Variants in RASAL2 observed in about 807,000 individuals in gnomAD.
RASAL2 encodes the protein ras GTPase-activating protein nGAP.
RASAL2 carries 58 observed loss-of-function variants against 128.9 expected under a neutral mutation model. That is an observed-to-expected ratio of 0.45 (90% CI 0.36 to 0.56). The LOEUF is 0.56. RASAL2 is among the 20% of genes least tolerant of loss of function. The probability of loss-of-function intolerance (pLI) is 0.00; values close to 1 mark genes in which losing one functional copy is unlikely to be tolerated. For synonymous variants in RASAL2, 561 were observed against 580.8 expected (o/e 0.97, Z 0.49); for missense variants, 1,360 against 1,601.6 (o/e 0.85, Z 2.57).
At chr1:178,156,598 G>C (rs942767141) in intron 1 of RASAL2, among the ~76,000 whole-genome samples, 2 of 152,072 alleles carry the variant, frequency 1.3e-5, no homozygotes, top group Non-Finnish European at 2.9e-5. Context: ...GTATATATGA[G>C]TCACAAACTT....
intron 1 of RASAL2, among the ~76,000 whole-genome samples, chr1:178,148,951 C>A (rs776408349): frequency 6.6e-6 from 1 of 152,146 alleles, no homozygotes; most frequent in Non-Finnish European, 1.5e-5. Flanking sequence ...GGAAAACAAA[C>A]GACTATGACA....
At chr1:178,458,577 A>G (rs1332625840) in intron 14 of RASAL2, 33 bp downstream of exon 14, 2 of 1,548,784 alleles carry the variant, frequency 1.3e-6, no homozygotes, top group African/African-American at 1.4e-5. Context: ...CCTGGCTTCT[A>G]CTTGGTCCAT....
At chr1:178,451,224 A>G (rs1010624795) in intron 9 of RASAL2, among the ~76,000 whole-genome samples, 3 of 152,198 alleles carry the variant, frequency 2.0e-5, no homozygotes, top group African/African-American at 7.2e-5. Context: ...TAGTCACCTA[A>G]GTAGAGCGAG....
chr1:178,145,412 AT>A (rs1164300819), intron 1 of RASAL2, among the ~76,000 whole-genome samples: 1 of 152,034 alleles, frequency 6.6e-6, no homozygotes, highest in Non-Finnish European at 1.5e-5. Flanking sequence ...CTTAAAGTTA[AT>A]TTTGATAGAT....
At chr1:178,404,056 C>A (rs1673821565) in intron 4 of RASAL2, among the ~76,000 whole-genome samples, 1 of 151,872 alleles carries the variant, frequency 6.6e-6, no homozygotes. Flanking sequence ...GAAACCCCAT[C>A]TCTACTAAAA....
intron 3 of RASAL2, among the ~76,000 whole-genome samples, chr1:178,343,148 C>T (rs534899810): frequency 7.9e-5 from 12 of 152,276 alleles, no homozygotes; most frequent in African/African-American, 2.4e-4. Flanking sequence ...GGATGTTGTC[C>T]TTTTGTATTA....
chr1:178,306,515 T>C lies in RASAL2; in HGVS notation c.457+6397T>C, dbSNP rs995052863. On this transcript the variant is annotated intron_variant, in intron 3 of 17. Coordinates refer to ENST00000367649, the MANE Select transcript of RASAL2 (RefSeq NM_170692.4). ...TTGAACTAGTTTACAGTCCCACCAA[T>C]AGTGTAAAAGTGTTCCTATTTCTCC... 5.9e-5 allele frequency among the ~76,000 whole-genome samples: 9 copies of C among 152,182 alleles called. No individual in the cohort carries two copies. In the South Asian group the frequency reaches 6.2e-4, roughly 11 times the overall value.
At chr1:178,276,486 T>C (rs1013520236) in intron 1 of RASAL2, among the ~76,000 whole-genome samples, 4 of 151,980 alleles carry the variant, frequency 2.6e-5, no homozygotes, top group Non-Finnish European at 5.9e-5. Flanking sequence ...CAGTATATTG[T>C]GGACTACTCC....
intron 3 of RASAL2, among the ~76,000 whole-genome samples, chr1:178,337,258 A>T (rs1669632640): frequency 1.3e-5 from 2 of 152,204 alleles, no homozygotes; most frequent in African/African-American, 4.8e-5. Flanking sequence ...AAGTCTTCTG[A>T]TCTTCATAAT....
intron 3 of RASAL2, among the ~76,000 whole-genome samples, chr1:178,366,158 G>A (rs543049526): frequency 6.6e-6 from 1 of 152,190 alleles, no homozygotes; most frequent in African/African-American, 2.4e-5. Context: ...ACAGTTGCTG[G>A]TAAAGGGCAT....
rs1658594238 is a variant in RASAL2, at chr1:178,094,486, G to A, written c.-7G>A. ...GCCGCCTCGTCCCCCTCCCGCCTCG[G>A]GGCACCATGGAGCTCTCTCCGTCGT... is the stretch of plus-strand genomic sequence containing the variant. On this transcript the variant is annotated 5_prime_UTR_variant, in exon 1 of 18. Coordinates refer to ENST00000367649, the MANE Select transcript of RASAL2 (RefSeq NM_170692.4). The A allele has an allele frequency of 6.5e-7, 1 of 1,546,152 alleles. No homozygotes were observed. The highest frequency in any genetic ancestry group is 8.7e-7 in the Non-Finnish European group (1 of 1,146,450).
chr1:178,343,970 A>T (rs528063656), intron 3 of RASAL2, among the ~76,000 whole-genome samples: 15 of 152,296 alleles, frequency 9.8e-5, no homozygotes, highest in Admixed American at 3.3e-4. Flanking sequence ...CCATCACCTG[A>T]AAAGGAGACA....
rs58042688 is a variant in RASAL2 at position 178,276,923 on chromosome 1, C to T, written c.203-6641C>T. ...CAGCACTTTGGGAGGCCGAGGCTGG[C>T]GGATCACAAGGTCAGGAGATTTAGA... On this transcript the variant is annotated intron_variant, in intron 1 of 17. Transcript: ENST00000367649. Among the ~76,000 whole-genome samples the T allele has an allele frequency of 5.9e-5, 9 of 151,570 alleles. No homozygotes were observed. In the South Asian group the frequency reaches 6.2e-4, roughly 11 times the overall value.
At chr1:178,347,511 C>T (rs1670212328) in intron 3 of RASAL2, among the ~76,000 whole-genome samples, 1 of 152,110 alleles carries the variant, frequency 6.6e-6, no homozygotes, top group Non-Finnish European at 1.5e-5. Context: ...GACTGGAATG[C>T]TCATTTTACA....
chr1:178,183,401 G>T (rs966511793), intron 1 of RASAL2, among the ~76,000 whole-genome samples: 1 of 152,116 alleles, frequency 6.6e-6, no homozygotes, highest in African/African-American at 2.4e-5. Context: ...CAAATATATA[G>T]TGTCATATAT....
chr1:178,296,742 G>A (rs189753992), intron 2 of RASAL2, among the ~76,000 whole-genome samples: 247 of 145,108 alleles, frequency 1.7e-3, no homozygotes, highest in African/African-American at 6.1e-3. Context: ...GCACAGTCTC[G>A]GCTCACTGCA....
chr1:178,150,948 G>A (rs1377351175), intron 1 of RASAL2, among the ~76,000 whole-genome samples: 1 of 151,950 alleles, frequency 6.6e-6, no homozygotes, highest in Non-Finnish European at 1.5e-5. Context: ...TGGTGATATG[G>A]TTGTTTAAAT....
intron 4 of RASAL2, among the ~76,000 whole-genome samples, chr1:178,400,340 T>C (rs1456976396): frequency 6.6e-6 from 1 of 152,202 alleles, no homozygotes; most frequent in Admixed American, 6.5e-5. Flanking sequence ...GCCCAGGAAG[T>C]CTACCTTCCA....
chr1:178,327,898 T>C (rs1669113028), intron 3 of RASAL2, among the ~76,000 whole-genome samples: 1 of 152,092 alleles, frequency 6.6e-6, no homozygotes, highest in Admixed American at 6.6e-5. Flanking sequence ...GGAGAAGGCC[T>C]TGTGAAGACA....
Sources: allele counts gnomAD v4.1 joint callset (sites outside exome capture counted in the v4.1 genomes callset), GRCh38; gene constraint gnomAD v4.1.1; transcripts MANE v1.5; gene names NCBI Gene and HGNC (gene_info 2026-07-23, HGNC 2026-07-21).